MEGF10: variants seen among roughly 807,000 people sequenced by gnomAD.
The protein encoded by MEGF10 is multiple EGF like domains 10, also known as multiple epidermal growth factor-like domains protein 10.
In MEGF10, 86 loss-of-function variants were observed where a neutral mutation model predicts 147.5. The ratio of observed to expected loss-of-function variants is 0.58; its 90% CI spans 0.49 to 0.70. The LOEUF (loss-of-function observed/expected upper bound fraction) is 0.70. Ranked by LOEUF, MEGF10 falls within the 30% of genes least tolerant of loss-of-function variation. The pLI, the probability that MEGF10 is intolerant of heterozygous loss-of-function variation, is 0.00. For missense variants in MEGF10, 1,329 were observed against 1,487.3 expected (o/e 0.89, Z 1.75); for synonymous variants, 478 against 525.5 (o/e 0.91, Z 1.24).
chr5:127,391,096 G>GCACACACACACACA (rs1413153325), intron 5 of MEGF10, among the ~76,000 whole-genome samples: 2 of 29,366 alleles, frequency 6.8e-5, no homozygotes, highest in Non-Finnish European at 1.2e-4. Context: ...ATGCGCGCGC[G>GCACACACACACACA]CGCGCGCACA....
In MEGF10 at chr5:127,434,739, C is replaced by T. The variant is rs777777875; in HGVS notation, c.1893C>T (p.Cys631=). Residue 631 remains cysteine, a synonymous_variant, in exon 15 of 25, where the codon TGC becomes TGT. Transcript: ENST00000503335. ...GCTGCAGCCAGACATGCCCACAGTGCGTTCACAGCAGCGGGCCCTGCCACC... is the reference window on the plus strand; with the variant it reads ...GCTGCAGCCAGACATGCCCACAGTGTGTTCACAGCAGCGGGCCCTGCCACC... The part of the protein sequence containing the change: ...GHRCSQTCPQ[C]VHSSGPCHHI... 20 of 1,613,814 alleles carry T rather than the reference C, an allele frequency of 1.2e-5. No homozygotes were observed. Among genetic ancestry groups the T allele is most frequent in the Admixed American group, 3.3e-5 (2 of 59,976 alleles).
At chr5:127,421,376 A>T (rs1198997824) in intron 12 of MEGF10, among the ~76,000 whole-genome samples, 1 of 152,214 alleles carries the variant, frequency 6.6e-6, no homozygotes, top group Admixed American at 6.5e-5. Context: ...ATAATTATTC[A>T]TCTAGCACCC....
At chr5:127,453,362 T>C (rs543334428) in intron 22 of MEGF10, among the ~76,000 whole-genome samples, 1 of 152,252 alleles carries the variant, frequency 6.6e-6, no homozygotes, top group African/African-American at 2.4e-5. Context: ...CGGCCTGTAA[T>C]ATTCTTTTGA....
At chr5:127,324,578 C>G (rs1466658298) in intron 1 of MEGF10, among the ~76,000 whole-genome samples, 2 of 152,124 alleles carry the variant, frequency 1.3e-5, no homozygotes, top group Non-Finnish European at 2.9e-5. Flanking sequence ...GAAGGTCGTT[C>G]CACTTCACAC....
At chr5:127,326,624 C>T (rs769817211) in intron 1 of MEGF10, among the ~76,000 whole-genome samples, 2 of 152,224 alleles carry the variant, frequency 1.3e-5, no homozygotes, top group Non-Finnish European at 2.9e-5. Flanking sequence ...GAACTTAGCA[C>T]ACTGCCTCTG....
At chr5:127,434,601 C>A in intron 14 of MEGF10, 86 bp from the exon 15 acceptor site, 1 of 1,410,760 alleles carries the variant, frequency 7.1e-7, no homozygotes, top group Non-Finnish European at 9.4e-7. Flanking sequence ...GCTTTTTAAC[C>A]TCTAAAACTT....
At chr5:127,426,935 A>C (rs1052565861) in intron 13 of MEGF10, among the ~76,000 whole-genome samples, 7 of 152,210 alleles carry the variant, frequency 4.6e-5, no homozygotes, top group African/African-American at 1.7e-4. Context: ...GCATATTCCC[A>C]GTCCCCACCT....
chr5:127,420,948 A>G (rs1042754337), intron 12 of MEGF10, among the ~76,000 whole-genome samples: 2 of 152,174 alleles, frequency 1.3e-5, no homozygotes, highest in African/African-American at 4.8e-5. Context: ...GCGAGTTAAC[A>G]ATGTGACCCC....
At chr5:127,378,849 T>C (rs1763136112) in intron 5 of MEGF10, among the ~76,000 whole-genome samples, 1 of 151,562 alleles carries the variant, frequency 6.6e-6, no homozygotes. Context: ...ATTTTGTTTT[T>C]GTTTTTGGTT....
intron 5 of MEGF10, among the ~76,000 whole-genome samples, chr5:127,377,975 C>T (rs1376249549): frequency 6.6e-6 from 1 of 152,114 alleles, no homozygotes; most frequent in African/African-American, 2.4e-5. Flanking sequence ...TCAGAACGGT[C>T]CCAAAGGTAG....
chr5:127,425,138 G>A (rs1269036907), intron 13 of MEGF10, among the ~76,000 whole-genome samples: 4 of 152,202 alleles, frequency 2.6e-5, no homozygotes, highest in Admixed American at 6.5e-5. Flanking sequence ...GTATACATGA[G>A]AAGAGCAAGA....
chr5:127,341,793 G>T (rs1040483910), intron 4 of MEGF10, among the ~76,000 whole-genome samples: 1 of 152,138 alleles, frequency 6.6e-6, no homozygotes, highest in African/African-American at 2.4e-5. Context: ...GCAAATGTCA[G>T]TATATTGTTG....
chr5:127,395,892 G>T (rs1763892626), intron 5 of MEGF10, among the ~76,000 whole-genome samples: 1 of 152,042 alleles, frequency 6.6e-6, no homozygotes, highest in South Asian at 2.1e-4. Flanking sequence ...TCAGGACTCT[G>T]GCCCAGACCT....
chr5:127,255,106 T>C, the MEGF10 span, among the ~76,000 whole-genome samples: 1 of 151,972 alleles, frequency 6.6e-6, no homozygotes, highest in African/African-American at 2.4e-5. Flanking sequence ...ACAGTCTTTA[T>C]GTACTGAGTC....
intron 1 of MEGF10, among the ~76,000 whole-genome samples, chr5:127,309,459 C>T (rs146639362): frequency 1.2e-3 from 188 of 152,288 alleles, no homozygotes; most frequent in African/African-American, 4.4e-3. Flanking sequence ...CCTCTTACTC[C>T]AGCCCTTGGC....
chr5:127,308,462 G>T (rs946592563), intron 1 of MEGF10, among the ~76,000 whole-genome samples: 1 of 152,052 alleles, frequency 6.6e-6, no homozygotes, highest in Non-Finnish European at 1.5e-5. Context: ...AATGCTTGAC[G>T]CCCTTTTGGT....
At chr5:127,254,810 GA>G in the MEGF10 span, among the ~76,000 whole-genome samples, 22 of 144,484 alleles carry the variant, frequency 1.5e-4, no homozygotes, top group East Asian at 4.3e-4. Context: ...GACTCCATCT[GA>G]AAAAAAAAAA....
At chr5:127,447,467 T>A in intron 20 of MEGF10, 90 bp from the exon 21 acceptor site, 1 of 1,566,382 alleles carries the variant, frequency 6.4e-7, no homozygotes, top group Non-Finnish European at 8.7e-7. Context: ...GTGAGCCACC[T>A]CGCTGGGCCT....
At chr5:127,306,261 C>T (rs1463200740) in intron 1 of MEGF10, among the ~76,000 whole-genome samples, 3 of 152,130 alleles carry the variant, frequency 2.0e-5, no homozygotes, top group Non-Finnish European at 4.4e-5. Context: ...GCTGACTGTG[C>T]CCTCTCTGTT....
Sources: allele counts gnomAD v4.1 joint callset (sites outside exome capture counted in the v4.1 genomes callset), GRCh38; gene constraint gnomAD v4.1.1; transcripts MANE v1.5; gene names NCBI Gene and HGNC (gene_info 2026-07-23, HGNC 2026-07-21).